The following NRG1 variants were observed in gnomAD, a reference collection of about 807,000 sequenced individuals.
NRG1 encodes the protein pro-neuregulin-1, membrane-bound isoform.
A neutral mutation model predicts 63.8 loss-of-function variants in NRG1; 18 were observed. That is an observed-to-expected ratio of 0.28 (90% CI 0.19 to 0.42). The LOEUF (loss-of-function observed/expected upper bound fraction) is 0.42. Among genes scored for constraint, NRG1 ranks in the 10% least tolerant of loss-of-function variants. NRG1 has a pLI of 1.00. For missense variants in NRG1, 762 were observed against 814.7 expected (o/e 0.94, Z 0.79); for synonymous variants, 302 against 301.3 (o/e 1.00, Z -0.02).
chr8:32,146,877 C>T (rs191430460), intron 1 of NRG1, among the ~76,000 whole-genome samples: 35 of 152,032 alleles, frequency 2.3e-4, no homozygotes, highest in Admixed American at 2.2e-3. Context: ...CTCCAAAAAG[C>T]TGCCTAAGGA....
At chr8:31,791,792 CT>C (rs1417475339) in intron 1 of NRG1, among the ~76,000 whole-genome samples, 1 of 152,274 alleles carries the variant, frequency 6.6e-6, no homozygotes, top group East Asian at 1.9e-4. Context: ...TAGTCTTGCC[CT>C]TCGCTACAGA....
chr8:32,231,968 A>G (rs966700561), intron 1 of NRG1, among the ~76,000 whole-genome samples: 2 of 151,980 alleles, frequency 1.3e-5, no homozygotes, highest in Non-Finnish European at 2.9e-5. Context: ...CAGTGGCATG[A>G]TCACAGCTCA....
chr8:31,837,172 A>G (rs1825756468), intron 1 of NRG1, among the ~76,000 whole-genome samples: 1 of 152,006 alleles, frequency 6.6e-6, no homozygotes, highest in South Asian at 2.1e-4. Flanking sequence ...ATGGTAAACA[A>G]AATGCAAACA....
At chr8:31,656,946 A>G (rs1023338663) in intron 1 of NRG1, among the ~76,000 whole-genome samples, 2 of 152,232 alleles carry the variant, frequency 1.3e-5, no homozygotes, top group Non-Finnish European at 2.9e-5. Flanking sequence ...AGGTTGACAC[A>G]GGAGCTCCCT....
At chr8:32,126,842 TCCACTGCTTCTC>T (rs1834129175) in intron 1 of NRG1, among the ~76,000 whole-genome samples, 1 of 151,890 alleles carries the variant, frequency 6.6e-6, no homozygotes, top group African/African-American at 2.4e-5. Context: ...ATTGCCAGCT[TCCACTGCTTCTC>T]CTTAATTAAC....
chr8:32,771,715 A>AAAAAAATATATACATAT, downstream of NRG1, among the ~76,000 whole-genome samples: 1 of 111,846 alleles, frequency 8.9e-6, no homozygotes, highest in East Asian at 2.7e-4. Flanking sequence ...TTAAAAAAAA[A>AAAAAAATATATACATAT]ATATATATAT....
At chr8:32,412,436 A>ATATG (rs1554532820) in intron 1 of NRG1, among the ~76,000 whole-genome samples, 31 of 42,118 alleles carry the variant, frequency 7.4e-4, no homozygotes, top group South Asian at 1.7e-3. Context: ...ATATATATAT[A>ATATG]TATATATATA....
intron 1 of NRG1, among the ~76,000 whole-genome samples, chr8:32,283,060 T>C (rs1197227522): frequency 6.6e-6 from 1 of 152,202 alleles, no homozygotes; most frequent in Non-Finnish European, 1.5e-5. Context: ...AATACCAAGC[T>C]AAAGGGCATG....
intron 1 of NRG1, among the ~76,000 whole-genome samples, chr8:32,422,644 T>A (rs1336441870): frequency 6.6e-6 from 1 of 152,202 alleles, no homozygotes; most frequent in Middle Eastern, 3.2e-3. Context: ...ACCCAAAGGG[T>A]CATATGAGAT....
At position 32,412,423 on chromosome 8, in the gene NRG1, CATA is replaced by C. The variant is rs1815129880; in HGVS notation, c.38-183404_38-183402del. ...TCCTCTCTCTCTCTCTCTCTCTCTACATATATATATATATATATATATATATAT... is the reference window on the plus strand; with the variant it reads ...TCCTCTCTCTCTCTCTCTCTCTCTACTATATATATATATATATATATATAT... On this transcript the variant is annotated intron_variant, in intron 1 of 10. Coordinates refer to the NRG1 transcript ENST00000519301. 1.7e-3 allele frequency among the ~76,000 whole-genome samples: 157 copies of C among 93,016 alleles called. 1 individual carries two copies. Among genetic ancestry groups the C allele is most frequent in the African/African-American group, 6.2e-3 (151 of 24,254 alleles). 61.0% of individuals were successfully genotyped at this position (93,016 alleles called of 152,430 possible).
chr8:32,524,355 C>A (rs1420170199), intron 1 of NRG1, among the ~76,000 whole-genome samples: 1 of 152,124 alleles, frequency 6.6e-6, no homozygotes, highest in African/African-American at 2.4e-5. Context: ...CTCATTTCTT[C>A]TTGATATTCT....
chr8:31,981,359 G>C (rs193124745), intron 1 of NRG1, among the ~76,000 whole-genome samples: 1 of 152,002 alleles, frequency 6.6e-6, no homozygotes, highest in African/African-American at 2.4e-5. Flanking sequence ...GGTAGTTGGA[G>C]TGTATAATCA....
chr8:32,521,606 A>G (rs1830350673), intron 1 of NRG1, among the ~76,000 whole-genome samples: 1 of 152,226 alleles, frequency 6.6e-6, no homozygotes, highest in Admixed American at 6.5e-5. Flanking sequence ...ATCACTGAAG[A>G]GAAGTAAACT....
At chr8:32,100,381 G>A (rs1231835548) in intron 1 of NRG1, among the ~76,000 whole-genome samples, 1 of 152,060 alleles carries the variant, frequency 6.6e-6, no homozygotes, top group Admixed American at 6.6e-5. Flanking sequence ...AATGCCTGAG[G>A]CTAATAGTTA....
chr8:32,487,346 A>C (rs938621980), intron 1 of NRG1, among the ~76,000 whole-genome samples: 5 of 152,160 alleles, frequency 3.3e-5, no homozygotes, highest in African/African-American at 1.2e-4. Flanking sequence ...AACGAAATGC[A>C]ACTTGGATTC....
intron 1 of NRG1, among the ~76,000 whole-genome samples, chr8:32,537,061 C>T (rs1255086657): frequency 4.7e-5 from 7 of 149,570 alleles, no homozygotes; most frequent in Admixed American, 3.3e-4. Flanking sequence ...AAAAATTGGC[C>T]GGGTGTAGTG....
chr8:32,579,297 G>C (rs947584681), intron 1 of NRG1, among the ~76,000 whole-genome samples: 1 of 148,168 alleles, frequency 6.7e-6, no homozygotes, highest in African/African-American at 2.5e-5. Context: ...CTCTGCTCGT[G>C]GATTCCTGAA....
intron 1 of NRG1, among the ~76,000 whole-genome samples, chr8:32,392,750 A>C (rs1300039753): frequency 2.0e-5 from 3 of 152,198 alleles, no homozygotes; most frequent in Non-Finnish European, 1.5e-5. Context: ...GGGCCTCATG[A>C]TGTGTTTGAT....
At chr8:31,858,158 G>T (rs1828107723) in intron 1 of NRG1, among the ~76,000 whole-genome samples, 1 of 152,112 alleles carries the variant, frequency 6.6e-6, no homozygotes, top group African/African-American at 2.4e-5. Context: ...AATTAGTCGG[G>T]CATGGTGGCA....
Sources: gnomAD v4.1 joint callset for allele counts (sites outside exome capture counted in the v4.1 genomes callset) on GRCh38, gnomAD v4.1.1 for gene constraint, MANE v1.5 for transcripts, NCBI Gene and HGNC (gene_info 2026-07-23, HGNC 2026-07-21) for gene names.